The following TANC2 variants were observed in gnomAD, a reference collection of about 807,000 sequenced individuals.
The protein encoded by TANC2 is protein TANC2.
A neutral mutation model predicts 210.5 loss-of-function variants in TANC2; 26 were observed. The ratio of observed to expected loss-of-function variants is 0.12; its 90% CI spans 0.09 to 0.17. The LOEUF (loss-of-function observed/expected upper bound fraction) is 0.17. Among genes scored for constraint, TANC2 ranks in the 10% least tolerant of loss-of-function variants. The probability of loss-of-function intolerance (pLI) is 1.00; values close to 1 mark genes in which losing one functional copy is unlikely to be tolerated. For synonymous variants in TANC2, 931 were observed against 967.1 expected, an observed-to-expected ratio of 0.96 and a Z score of 0.69; for missense variants, 2,129 against 2,608.9, an observed-to-expected ratio of 0.82 and a Z score of 4.01.
chr17:63,338,725 T>G (rs1311943973), intron 11 of TANC2, among the ~76,000 whole-genome samples: 1 of 152,248 alleles, frequency 6.6e-6, no homozygotes, highest in African/African-American at 2.4e-5. Context: ...TGATTTCCAC[T>G]TTCCATATTG....
chr17:63,389,081 C>T (rs1024047421), intron 16 of TANC2, among the ~76,000 whole-genome samples: 4 of 152,044 alleles, frequency 2.6e-5, no homozygotes, highest in Non-Finnish European at 5.9e-5. Context: ...ATGTTCAGCA[C>T]TACAGTATAG....
intron 8 of TANC2, among the ~76,000 whole-genome samples, chr17:63,266,085 A>G (rs991803195): frequency 1.3e-5 from 2 of 152,138 alleles, no homozygotes; most frequent in Non-Finnish European, 1.5e-5. Flanking sequence ...GTATCAAGAG[A>G]TAGTGACATG....
intron 9 of TANC2, among the ~76,000 whole-genome samples, chr17:63,273,600 T>A (rs1487328375): frequency 6.6e-6 from 1 of 152,158 alleles, no homozygotes; most frequent in African/African-American, 2.4e-5. Flanking sequence ...ATCTCAAGAA[T>A]CTAGGGATCC....
At chr17:63,328,408 A>G (rs1042063206) in intron 11 of TANC2, among the ~76,000 whole-genome samples, 5 of 140,456 alleles carry the variant, frequency 3.6e-5, no homozygotes, top group African/African-American at 1.2e-4. Flanking sequence ...GTGTGTGTGT[A>G]TTCATTGTGT....
At chr17:63,014,584 A>G (rs1410529418) in intron 2 of TANC2, among the ~76,000 whole-genome samples, 1 of 152,102 alleles carries the variant, frequency 6.6e-6, no homozygotes. Context: ...AGTCTGTGTT[A>G]TTGTGCATGG....
chr17:63,196,727 T>C (rs1243055573), intron 6 of TANC2, among the ~76,000 whole-genome samples: 2 of 152,214 alleles, frequency 1.3e-5, no homozygotes, highest in African/African-American at 4.8e-5. Context: ...ACTTAACCTC[T>C]CTGAGCTTTA....
At position 63,220,719 on chromosome 17, in the gene TANC2, A is replaced by AAAT. The variant is rs1386491486; in HGVS notation, c.770-17094_770-17093insATA. ...AATCAGTCTCAAAAAAAAAAAAAAAAATATATATATATATATATGTATATA... is the reference window on the plus strand; with the variant it reads ...AATCAGTCTCAAAAAAAAAAAAAAAAAATATATATATATATATATATGTATATA... On this transcript the variant is annotated intron_variant, in intron 7 of 27. Transcript: ENST00000689528. 8.4e-3 allele frequency among the ~76,000 whole-genome samples: 1,123 copies of AAAT among 134,364 alleles called. 30 individuals are homozygous for AAAT. Among genetic ancestry groups the AAAT allele is most frequent in the African/African-American group, 0.03 (1,042 of 34,690 alleles). The allele number at this position is 134,364 out of a possible 152,430, so 88.1% of individuals were successfully genotyped here.
intron 7 of TANC2, among the ~76,000 whole-genome samples, chr17:63,212,914 C>T (rs1291956314): frequency 1.3e-5 from 2 of 152,162 alleles, no homozygotes; most frequent in African/African-American, 4.8e-5. Context: ...CAGCATTACT[C>T]TATTCATTAT....
intron 6 of TANC2, among the ~76,000 whole-genome samples, chr17:63,194,901 G>A (rs1332959753): frequency 6.6e-6 from 1 of 151,786 alleles, no homozygotes; most frequent in African/African-American, 2.4e-5. Context: ...GCAAAAAAAA[G>A]TACTAGAGTC....
intron 2 of TANC2, among the ~76,000 whole-genome samples, chr17:63,017,289 T>C (rs1389528675): frequency 6.6e-6 from 1 of 152,220 alleles, no homozygotes; most frequent in African/African-American, 2.4e-5. Flanking sequence ...TAATCCCTTA[T>C]CAGTAAATGA....
At chr17:63,021,723 A>G (rs1438832374) in intron 2 of TANC2, among the ~76,000 whole-genome samples, 2 of 152,264 alleles carry the variant, frequency 1.3e-5, no homozygotes, top group Admixed American at 6.5e-5. Flanking sequence ...TTGAAAGTGA[A>G]TAATAGATTG....
intron 5 of TANC2, among the ~76,000 whole-genome samples, chr17:63,191,607 C>T (rs538536726): frequency 8.6e-5 from 13 of 151,846 alleles, no homozygotes; most frequent in Admixed American, 3.9e-4. Context: ...GGACCACAGG[C>T]GCGCGCCACC....
intron 12 of TANC2, among the ~76,000 whole-genome samples, chr17:63,341,882 C>T (rs1316913666): frequency 1.3e-5 from 2 of 152,224 alleles, no homozygotes; most frequent in African/African-American, 4.8e-5. Flanking sequence ...ATCCAACCTA[C>T]TTTTCAGCCT....
Position 63,320,672 on chromosome 17 carries a change from T to C in TANC2, c.1575+1582T>C, listed in dbSNP as rs573941108. On this transcript the variant is annotated intron_variant, in intron 11 of 27. Transcript: ENST00000689528. ...TTGAGCTTCCAATATTGCTACTAAATACTCTGATACTATTCTTATTCCTAA... is the reference window on the plus strand; with the variant it reads ...TTGAGCTTCCAATATTGCTACTAAACACTCTGATACTATTCTTATTCCTAA... 7.9e-5 allele frequency among the ~76,000 whole-genome samples: 12 copies of C among 152,330 alleles called. No individual in the cohort carries two copies. In the South Asian group the frequency reaches 2.5e-3, roughly 32 times the overall value.
intron 4 of TANC2, among the ~76,000 whole-genome samples, chr17:63,144,354 G>A (rs1465356425): frequency 6.6e-6 from 1 of 152,008 alleles, no homozygotes; most frequent in African/African-American, 2.4e-5. Flanking sequence ...ATTGATATTT[G>A]TATTGGTAAA....
intron 5 of TANC2, among the ~76,000 whole-genome samples, chr17:63,181,492 G>A (rs2040782904): frequency 6.6e-6 from 1 of 152,204 alleles, no homozygotes. Context: ...CATGCCTACT[G>A]AAATGGAACA....
intron 13 of TANC2, among the ~76,000 whole-genome samples, chr17:63,354,267 G>A (rs1430596213): frequency 2.6e-5 from 4 of 152,102 alleles, no homozygotes; most frequent in Non-Finnish European, 5.9e-5. Flanking sequence ...TGTACCTTTC[G>A]GCTAAGGTAT....
chr17:63,025,958 TC>T (rs1276432406), intron 2 of TANC2, among the ~76,000 whole-genome samples: 2 of 152,098 alleles, frequency 1.3e-5, no homozygotes, highest in Non-Finnish European at 2.9e-5. Flanking sequence ...CCTGTAAATC[TC>T]CCTTTTATTT....
At chr17:63,284,495 A>G (rs2084500366) in intron 9 of TANC2, among the ~76,000 whole-genome samples, 1 of 151,828 alleles carries the variant, frequency 6.6e-6, no homozygotes, top group Non-Finnish European at 1.5e-5. Context: ...CATTCAAAAT[A>G]CTTTCAAATT....
Sources: allele counts gnomAD v4.1 joint callset (sites outside exome capture counted in the v4.1 genomes callset), GRCh38; gene constraint gnomAD v4.1.1; transcripts MANE v1.5; gene names NCBI Gene and HGNC (gene_info 2026-07-23, HGNC 2026-07-21).